The following FTO variants were observed in gnomAD, a reference collection of about 807,000 sequenced individuals.
FTO encodes FTO alpha-ketoglutarate dependent dioxygenase.
FTO carries 47 observed loss-of-function variants against 63.9 expected under a neutral mutation model. The observed-to-expected ratio is 0.74, with a 90% CI of 0.58 to 0.94. The LOEUF (loss-of-function observed/expected upper bound fraction) is 0.94. Ranked by LOEUF, FTO falls within the 40% of genes least tolerant of loss-of-function variation. The pLI is 0.00. For synonymous variants in FTO, 207 were observed against 224.4 expected (o/e 0.92, Z 0.69); for missense variants, 562 against 618.1 (o/e 0.91, Z 0.96).
At chr16:53,759,693 C>CAAA (rs758376530) in intron 1 of FTO, among the ~76,000 whole-genome samples, 9 of 28,458 alleles carry the variant, frequency 3.2e-4, no homozygotes, top group Admixed American at 1.0e-3. Flanking sequence ...GACTCCTTCT[C>CAAA]AAAAAAAAAA....
intron 1 of FTO, among the ~76,000 whole-genome samples, chr16:53,714,665 C>A (rs1431341268): frequency 1.3e-5 from 2 of 152,160 alleles, no homozygotes. Context: ...AAATCAGCAG[C>A]CAATATGCTG....
intron 8 of FTO, among the ~76,000 whole-genome samples, chr16:54,064,257 C>A (rs73621732): frequency 5.3e-5 from 8 of 152,306 alleles, no homozygotes; most frequent in African/African-American, 1.9e-4. Context: ...TGTAGGCAAG[C>A]CCTTGCAACC....
chr16:53,719,628 G>C (rs1039315964), intron 1 of FTO, among the ~76,000 whole-genome samples: 1 of 131,910 alleles, frequency 7.6e-6, no homozygotes, highest in African/African-American at 2.9e-5. Context: ...TTTGCTGGTA[G>C]TCTGTTTTTT....
At chr16:53,968,895 A>G (rs770442479) in intron 8 of FTO, among the ~76,000 whole-genome samples, 3 of 152,232 alleles carry the variant, frequency 2.0e-5, no homozygotes, top group Non-Finnish European at 4.4e-5. Flanking sequence ...ACTGTTAGTC[A>G]GTACAGCACA....
At chr16:54,056,421 G>C (rs2144359249) in intron 8 of FTO, among the ~76,000 whole-genome samples, 1 of 152,334 alleles carries the variant, frequency 6.6e-6, no homozygotes, top group South Asian at 2.1e-4. Context: ...GAATTTCCAA[G>C]ATGGCCCCCA....
chr16:54,074,915 A>AGTGTGTGTGTGT (rs1295546396), intron 8 of FTO, among the ~76,000 whole-genome samples: 2 of 127,264 alleles, frequency 1.6e-5, no homozygotes, highest in African/African-American at 5.9e-5. Context: ...AGAGAGAGAG[A>AGTGTGTGTGTGT]GAGTGTGTGT....
intron 6 of FTO, 52 bp from the exon 7 acceptor site, chr16:53,888,780 C>T: frequency 6.2e-7 from 1 of 1,605,480 alleles, no homozygotes; most frequent in South Asian, 1.1e-5. Context: ...ATTGTCCTCG[C>T]TTGTCTATCA....
intron 8 of FTO, among the ~76,000 whole-genome samples, chr16:54,012,133 A>C (rs1396653646): frequency 1.3e-5 from 2 of 152,246 alleles, no homozygotes; most frequent in African/African-American, 4.8e-5. Flanking sequence ...GAATGCAGAG[A>C]GAAAGATCCT....
intron 4 of FTO, among the ~76,000 whole-genome samples, chr16:53,865,793 G>C (rs2080296473): frequency 6.6e-6 from 1 of 152,150 alleles, no homozygotes. Flanking sequence ...AGTCAGATTA[G>C]ATTATTGATT....
Position 53,896,393 on chromosome 16 carries a change from C to T in FTO, c.1239+7442C>T, listed in dbSNP as rs550426186. Among the ~76,000 whole-genome samples the T allele has an allele frequency of 4.6e-5, 7 of 151,636 alleles. No homozygotes were observed. The South Asian group carries it at 1.5e-3, about 32-fold the overall frequency. ...CTGTTATTTACTTTATTATAATTAC[C>T]TCTGAAATATCCTAGAAGAATCTCA... On this transcript the variant is annotated intron_variant, in intron 7 of 8. Coordinates refer to ENST00000471389, the MANE Select transcript of FTO (RefSeq NM_001080432.3).
intron 8 of FTO, among the ~76,000 whole-genome samples, chr16:53,974,465 T>G (rs974307477): frequency 6.6e-6 from 1 of 152,178 alleles, no homozygotes; most frequent in South Asian, 2.1e-4. Flanking sequence ...ATGACTTGCC[T>G]GCAAATGATC....
chr16:53,922,268 A>G (rs1043431069), intron 7 of FTO, among the ~76,000 whole-genome samples: 1 of 152,118 alleles, frequency 6.6e-6, no homozygotes, highest in Non-Finnish European at 1.5e-5. Context: ...GCTCATCCTG[A>G]AAAGCAGCAG....
chr16:54,067,474 G>A (rs757359395), intron 8 of FTO, among the ~76,000 whole-genome samples: 5 of 152,194 alleles, frequency 3.3e-5, no homozygotes, highest in Non-Finnish European at 7.3e-5. Context: ...GTTAGTTTAC[G>A]CAGTGCATAT....
At position 53,750,861 on chromosome 16, in the gene FTO, T is replaced by C. The variant is rs190803854; in HGVS notation, c.45+46632T>C. Reference sequence around the variant, plus strand: ...ACTTGATTGAATTGCACACAGAACATGGGCAATATGGAAGACAGTTTAGAG... The same window carrying C: ...ACTTGATTGAATTGCACACAGAACACGGGCAATATGGAAGACAGTTTAGAG... On this transcript the variant is annotated intron_variant, in intron 1 of 8. Coordinates refer to ENST00000471389, the MANE Select transcript of FTO (RefSeq NM_001080432.3). 2.2e-4 allele frequency among the ~76,000 whole-genome samples: 34 copies of C among 152,306 alleles called. 2 individuals carry two copies. The East Asian group carries it at 6.5e-3, about 29-fold the overall frequency.
intron 8 of FTO, among the ~76,000 whole-genome samples, chr16:54,069,536 G>A (rs1361539995): frequency 6.6e-6 from 1 of 152,124 alleles, no homozygotes; most frequent in Non-Finnish European, 1.5e-5. Context: ...TACCAAGAGT[G>A]ATTATATCTG....
At chr16:54,083,049 A>G (rs2086184498) in intron 8 of FTO, among the ~76,000 whole-genome samples, 2 of 152,222 alleles carry the variant, frequency 1.3e-5, no homozygotes, top group African/African-American at 4.8e-5. Context: ...TAAGGGTTTT[A>G]TTAAATAACT....
intron 8 of FTO, among the ~76,000 whole-genome samples, chr16:54,055,439 C>T (rs144674469): frequency 6.6e-5 from 10 of 152,280 alleles, no homozygotes; most frequent in African/African-American, 1.2e-4. Context: ...TCTATGGCAA[C>T]GAGCTATGTC....
intron 1 of FTO, among the ~76,000 whole-genome samples, chr16:53,754,633 G>A (rs537506158): frequency 6.6e-5 from 10 of 151,320 alleles, no homozygotes; most frequent in African/African-American, 2.4e-4. Flanking sequence ...GCGAGACTTC[G>A]TCTCAAAAAA....
Position 53,977,378 on chromosome 16 carries a change from T to C in FTO, c.1364+43269T>C, listed in dbSNP as rs2083454942. 3.3e-5 allele frequency among the ~76,000 whole-genome samples: 5 copies of C among 152,266 alleles called. No homozygotes were observed. In the South Asian group the frequency reaches 1.0e-3, roughly 32 times the overall value. Reference sequence around the variant, plus strand: ...TAATATATGCAGGAACTTAATTTGGTGACATTTTATATATAATTTTCTATA... The same window carrying C: ...TAATATATGCAGGAACTTAATTTGGCGACATTTTATATATAATTTTCTATA... On this transcript the variant is annotated intron_variant, in intron 8 of 8. Transcript: ENST00000471389.
Sources: gnomAD v4.1 joint callset for allele counts (sites outside exome capture counted in the v4.1 genomes callset) on GRCh38, gnomAD v4.1.1 for gene constraint, MANE v1.5 for transcripts, NCBI Gene and HGNC (gene_info 2026-07-23, HGNC 2026-07-21) for gene names.